The following ANKRD11 variants were observed in gnomAD, a reference collection of about 807,000 sequenced individuals.
ANKRD11 encodes ankyrin repeat domain 11, also known as ankyrin repeat domain-containing protein 11.
Under a neutral mutation model 195.7 loss-of-function variants are expected in ANKRD11, and 17 were observed. The observed-to-expected ratio is 0.09, with a 90% CI of 0.06 to 0.13. The LOEUF (loss-of-function observed/expected upper bound fraction) is 0.13, where lower values mean the gene tolerates loss of function less well. ANKRD11 is among the 10% of genes least tolerant of loss of function. The pLI is 1.00. For missense variants in ANKRD11, 3,735 were observed against 3,566.1 expected, an observed-to-expected ratio of 1.05 and a Z score of -1.21; for synonymous variants, 1,953 against 1,528.1, an observed-to-expected ratio of 1.28 and a Z score of -6.49.
chr16:89,487,008 C>CAAA (rs11384395), intron 1 of ANKRD11, among the ~76,000 whole-genome samples: 1 of 126,548 alleles, frequency 7.9e-6, no homozygotes, highest in Non-Finnish European at 1.7e-5. Context: ...GACTCCGTCT[C>CAAA]AAAAAAAAAA....
chr16:89,463,036 C>A (rs560062158), intron 1 of ANKRD11, among the ~76,000 whole-genome samples: 2 of 140,308 alleles, frequency 1.4e-5, no homozygotes, highest in African/African-American at 5.3e-5. Flanking sequence ...GCCGCCCCAT[C>A]CGGGAGGGAG....
At chr16:89,331,866 C>T (rs1347728467) in intron 2 of ANKRD11, among the ~76,000 whole-genome samples, 1 of 150,870 alleles carries the variant, frequency 6.6e-6, no homozygotes, top group Admixed American at 6.6e-5. Flanking sequence ...GGTGTGGACT[C>T]GGGTTTGGTT....
At chr16:89,338,867 A>T (rs1351929686) in intron 2 of ANKRD11, among the ~76,000 whole-genome samples, 1 of 152,198 alleles carries the variant, frequency 6.6e-6, no homozygotes, top group Non-Finnish European at 1.5e-5. Context: ...AGGTTTGCCA[A>T]ATGAATACTT....
chr16:89,305,297 G>T lies in ANKRD11; in HGVS notation c.135C>A (p.Gly45=), dbSNP rs761383256. ...SLTKTPKLER[G]DGGKEVRERA... Reference sequence around the variant, plus strand: ...GCTCCCTCACCTCCTTCCCGCCATCGCCACGCTCCAGTTTTGGGGTCTTGG... The same window carrying T: ...GCTCCCTCACCTCCTTCCCGCCATCTCCACGCTCCAGTTTTGGGGTCTTGG... Residue 45 remains glycine, a synonymous_variant, in exon 4 of 13, where the codon GGC becomes GGA. Transcript: ENST00000301030. 1 of 1,613,956 alleles carries T rather than the reference G, an allele frequency of 6.2e-7. No individual in the cohort carries two copies. Among genetic ancestry groups the T allele is most frequent in the Non-Finnish European group, 8.5e-7 (1 of 1,179,910 alleles).
chr16:89,386,515 G>A (rs3096298), intron 2 of ANKRD11, among the ~76,000 whole-genome samples: 1 of 152,220 alleles, frequency 6.6e-6, no homozygotes, highest in African/African-American at 2.4e-5. Flanking sequence ...GGGTGTGGGG[G>A]AAAGGGGGCT....
intron 1 of ANKRD11, among the ~76,000 whole-genome samples, chr16:89,467,476 C>T (rs1383228531): frequency 1.3e-5 from 2 of 152,180 alleles, no homozygotes; most frequent in African/African-American, 2.4e-5. Context: ...GGCCATCCAG[C>T]CTCAGCCTCC....
At chr16:89,335,360 C>G (rs955138840) in intron 2 of ANKRD11, among the ~76,000 whole-genome samples, 1 of 152,228 alleles carries the variant, frequency 6.6e-6, no homozygotes, top group African/African-American at 2.4e-5. Flanking sequence ...CACACCGAGG[C>G]ATCCGTGAGT....
At chr16:89,365,220 T>C (rs1482525499) in intron 2 of ANKRD11, among the ~76,000 whole-genome samples, 2 of 152,184 alleles carry the variant, frequency 1.3e-5, no homozygotes, top group African/African-American at 4.8e-5. Flanking sequence ...GAAGGGGAAG[T>C]TCCAGAGCTG....
intron 4 of ANKRD11, chr16:89,299,479 G>T (rs2035682318): frequency 5.3e-6 from 1 of 187,986 alleles, no homozygotes; most frequent in Admixed American, 6.7e-5. Flanking sequence ...TGTGTGGGGT[G>T]TGTGGGGTCT....
intron 1 of ANKRD11, among the ~76,000 whole-genome samples, chr16:89,427,103 C>A (rs1043998443): frequency 1.1e-4 from 17 of 152,286 alleles, no homozygotes; most frequent in African/African-American, 3.4e-4. Flanking sequence ...CAAAAGTCAG[C>A]TGTATCATCA....
intron 1 of ANKRD11, among the ~76,000 whole-genome samples, chr16:89,471,771 A>G (rs922106508): frequency 8.6e-6 from 1 of 116,192 alleles, no homozygotes; most frequent in Non-Finnish European, 1.7e-5. Context: ...GGCGACAGTG[A>G]GACTCTGTCT....
intron 1 of ANKRD11, among the ~76,000 whole-genome samples, chr16:89,484,497 A>G (rs1433516052): frequency 6.6e-6 from 1 of 152,188 alleles, no homozygotes; most frequent in African/African-American, 2.4e-5. Context: ...AGCCTACGCA[A>G]TCTTCCCTTT....
intron 1 of ANKRD11, among the ~76,000 whole-genome samples, chr16:89,423,799 A>C (rs2042608489): frequency 6.6e-6 from 1 of 152,212 alleles, no homozygotes; most frequent in Admixed American, 6.5e-5. Flanking sequence ...AAATCTACGC[A>C]ATGGCAGCCA....
intron 2 of ANKRD11, among the ~76,000 whole-genome samples, chr16:89,389,946 C>T (rs36027825): frequency 1.3e-5 from 1 of 75,312 alleles, no homozygotes; most frequent in Non-Finnish European, 2.6e-5. Flanking sequence ...CGGGGAGCAC[C>T]GAGAGAGAAG....
chr16:89,277,317 G>A (rs760982780), intron 9 of ANKRD11, among the ~76,000 whole-genome samples: 18 of 152,214 alleles, frequency 1.2e-4, no homozygotes, highest in Non-Finnish European at 2.2e-4. Context: ...TACAGCAGGA[G>A]CTGTGCCTTG....
intron 2 of ANKRD11, among the ~76,000 whole-genome samples, chr16:89,356,659 T>C (rs1452325407): frequency 6.7e-6 from 1 of 149,300 alleles, no homozygotes; most frequent in Non-Finnish European, 1.5e-5. Flanking sequence ...TGGGTGCCTG[T>C]AGTCCCAGCT....
intron 2 of ANKRD11, among the ~76,000 whole-genome samples, chr16:89,410,438 T>G (rs544121984): frequency 6.6e-6 from 1 of 152,014 alleles, no homozygotes; most frequent in African/African-American, 2.4e-5. Flanking sequence ...GTGTTGGGAG[T>G]GATGGTCTTA....
At chr16:89,464,827 A>C (rs560699360) in intron 1 of ANKRD11, among the ~76,000 whole-genome samples, 1 of 152,284 alleles carries the variant, frequency 6.6e-6, no homozygotes, top group African/African-American at 2.4e-5. Flanking sequence ...CTCTACAGAA[A>C]GTCAGGACCA....
intron 2 of ANKRD11, among the ~76,000 whole-genome samples, chr16:89,356,007 G>A (rs527682541): frequency 3.3e-5 from 5 of 152,300 alleles, no homozygotes; most frequent in Admixed American, 1.3e-4. Flanking sequence ...GCCCCGCCCT[G>A]GGGGCTGAGG....
Sources: allele counts gnomAD v4.1 joint callset (sites outside exome capture counted in the v4.1 genomes callset), GRCh38; gene constraint gnomAD v4.1.1; transcripts MANE v1.5; gene names NCBI Gene and HGNC (gene_info 2026-07-23, HGNC 2026-07-21).